GHRL: variants seen among roughly 807,000 people sequenced by gnomAD.
The protein encoded by GHRL is appetite-regulating hormone.
GHRL carries 24 observed loss-of-function variants against 16.9 expected under a neutral mutation model. The observed-to-expected ratio is 1.42, with a 90% CI of 1.03 to 2.00. The LOEUF (loss-of-function observed/expected upper bound fraction) is 2.00, where lower values mean the gene tolerates loss of function less well. Among genes scored for constraint, GHRL ranks in the 30% most tolerant of loss-of-function variants. The pLI is 0.00. For missense variants in GHRL, 193 were observed against 142.1 expected, an observed-to-expected ratio of 1.36 and a Z score of -1.82; for synonymous variants, 63 against 58.2, an observed-to-expected ratio of 1.08 and a Z score of -0.37.
intron 2 of GHRL, 64 bp from the exon 3 acceptor site, chr3:10,290,273 G>A (rs1294076595): frequency 6.7e-7 from 1 of 1,493,936 alleles, no homozygotes; most frequent in Non-Finnish European, 9.1e-7. Flanking sequence ...GCTTGCTCAG[G>A]TAGGAGCCCA....
chr3:10,290,760 T>C lies in GHRL; in HGVS notation c.-74A>G, dbSNP rs992201138. On this transcript the variant is annotated 5_prime_UTR_variant, in exon 2 of 6. It adds an upstream start codon to the 5' untranslated region. Transcript: ENST00000335542. ...TGGTGCCTGGTGGCTGTCAGGTCCT[T>C]ATATAGGATGACTGGCGTTTGTTCT... 7 of 993,912 alleles carry C rather than the reference T, an allele frequency of 7.0e-6. No individual in the cohort carries two copies. In the East Asian group the frequency reaches 5.2e-4, roughly 74 times the overall value. The allele number at this position is 993,912 out of a possible 1,614,324, so 61.6% of individuals were successfully genotyped here. A position where few individuals can be genotyped will look rare whatever the true frequency, so the allele number is the denominator to read the frequency against.
intron 3 of GHRL, 26 bp downstream of exon 3, chr3:10,290,045 CAT>C (rs1699731698): frequency 1.9e-6 from 3 of 1,609,674 alleles, no homozygotes; most frequent in Admixed American, 1.7e-5. Flanking sequence ...GCTGGAACAA[CAT>C]GTGGGGCTTT....
At chr3:10,292,296 G>A (rs1360640855) in intron 1 of GHRL, 2 of 153,188 alleles carry the variant, frequency 1.3e-5, no homozygotes, top group Non-Finnish European at 2.9e-5. Context: ...TATGCCATCT[G>A]GCTCCATAAT....
rs918720417 is a variant in GHRL at position 10,291,341 on chromosome 3, C to T, written c.-655G>A. The T allele has an allele frequency of 4.1e-6, 4 of 985,430 alleles. No individual in the cohort carries two copies. Among genetic ancestry groups the T allele is most frequent in the Non-Finnish European group, 4.8e-6 (4 of 830,006 alleles). 61.0% of individuals were successfully genotyped at this position (985,430 alleles called of 1,614,324 possible). A position where few individuals can be genotyped will look rare whatever the true frequency, so the allele number is the denominator to read the frequency against. On this transcript the variant is annotated 5_prime_UTR_variant, in exon 2 of 6. The change abolishes an upstream ATG in the 5' untranslated region. Transcript: ENST00000335542. ...CTTCAGTCATTTCTGCCAGGTGTGA[C>T]ATGACTGCCTGGCCTGGCGTTTTTT...
chr3:10,286,932 C>A (rs997228610), intron 4 of GHRL, 120 bp from the exon 5 acceptor site: 3 of 636,936 alleles, frequency 4.7e-6, no homozygotes, highest in Non-Finnish European at 2.8e-6. Context: ...GGCCTTTGGG[C>A]CCCAGCAGGG....
intron 4 of GHRL, among the ~76,000 whole-genome samples, chr3:10,289,452 CTT>C (rs1269176130): frequency 1.3e-5 from 2 of 152,246 alleles, no homozygotes; most frequent in Non-Finnish European, 2.9e-5. Flanking sequence ...TTCTGGGTGT[CTT>C]TGTCTCTGGG....
chr3:10,287,825 T>C (rs1305488434), intron 4 of GHRL: 1 of 153,462 alleles, frequency 6.5e-6, no homozygotes, highest in Non-Finnish European at 1.5e-5. Context: ...AGAGAAGCTA[T>C]TAACCAATAG....
intron 1 of GHRL, chr3:10,292,520 C>T: frequency 3.0e-6 from 1 of 332,348 alleles, no homozygotes. Context: ...TTTAAGTGGA[C>T]ATGAGGGACA....
chr3:10,290,001 C>A, intron 3 of GHRL, 72 bp downstream of exon 3: 1 of 1,566,618 alleles, frequency 6.4e-7, no homozygotes, highest in Admixed American at 1.7e-5. Flanking sequence ...GGCGCTGCTG[C>A]TCCAGGTCAC....
At position 10,285,885 on chromosome 3, in the gene GHRL, G is replaced by A. The variant is rs369580145; in HGVS notation, c.344C>T (p.Ala115Val). ...AAGGCTTGTGGGCGATCACTTGTCG[G>A]CTGGGGCCTCTGGAAAGCAAGAGGT... ...ILWEEAKEAP[A>V]DK The change falls in exon 6 of 6, where the codon GCC (alanine) becomes GTC (valine). Residue 115 changes from alanine (A) to valine (V), a missense_variant. Transcript: ENST00000335542. 1.9e-6 allele frequency: 3 copies of A among 1,613,094 alleles called. No individual in the cohort carries two copies. The African/African-American group carries it at 4.0e-5, about 22-fold the overall frequency.
At chr3:10,291,655 A>G (rs1180358980) in intron 1 of GHRL, among the ~76,000 whole-genome samples, 2 of 152,212 alleles carry the variant, frequency 1.3e-5, no homozygotes, top group Non-Finnish European at 2.9e-5. Flanking sequence ...GCATAGGCCA[A>G]GGCCACTGCC....
At chr3:10,289,612 G>A in intron 4 of GHRL, 150 bp downstream of exon 4, 2 of 708,032 alleles carry the variant, frequency 2.8e-6, no homozygotes, top group Non-Finnish European at 5.1e-6. Context: ...ACAGAGCCCA[G>A]GGCAGAGCTC....
chr3:10,291,548 T>C (rs563169020), intron 1 of GHRL, 97 bp from the exon 2 acceptor site: 1 of 828,368 alleles, frequency 1.2e-6, no homozygotes, highest in East Asian at 1.2e-4. Flanking sequence ...CCAGAGTCTT[T>C]GAGGGTGAAA....
rs758853750 is a variant in GHRL at position 10,286,723 on chromosome 3, G to A, written c.315C>T (p.Ile105=). The A allele has an allele frequency of 7.5e-6, 12 of 1,601,298 alleles. No homozygotes were observed. Among genetic ancestry groups the A allele is most frequent in the Admixed American group, 5.0e-5 (3 of 59,992 alleles). ...SQALGKFLQD[I]LWEEAKEAPA... The stretch of plus-strand genomic sequence containing the variant: ...ACTCACCTTTGGCCTCTTCCCAGAG[G>A]ATGTCCTGAAGAAACTTCCCCAGGG... The change falls in exon 5 of 6, where the codon ATC becomes ATT. Residue 105 remains isoleucine (I), a synonymous_variant. Coordinates refer to ENST00000335542, the MANE Select transcript of GHRL (RefSeq NM_016362.5).
At chr3:10,288,508 A>C (rs1186879182) in intron 4 of GHRL, among the ~76,000 whole-genome samples, 1 of 152,316 alleles carries the variant, frequency 6.6e-6, no homozygotes, top group East Asian at 1.9e-4. Flanking sequence ...GGTACTGGGC[A>C]GCTCCTCTGG....
intron 4 of GHRL, chr3:10,287,453 A>G (rs997658715): frequency 6.5e-6 from 1 of 153,532 alleles, no homozygotes; most frequent in African/African-American, 2.4e-5. Flanking sequence ...GGTATTCCTG[A>G]GATGATTTAT....
chr3:10,292,676 G>A (rs1226924972), intron 1 of GHRL, 166 bp downstream of exon 1: 5 of 579,828 alleles, frequency 8.6e-6, no homozygotes, highest in Non-Finnish European at 1.5e-5. Flanking sequence ...TTTGGCCCTG[G>A]AGCCCAGAGA....
chr3:10,286,310 C>G (rs73811875), intron 5 of GHRL, among the ~76,000 whole-genome samples: 1 of 152,160 alleles, frequency 6.6e-6, no homozygotes, highest in African/African-American at 2.4e-5. Context: ...TAACAGGCTG[C>G]AGAACCTGTT....
chr3:10,291,308 T>C lies in GHRL; in HGVS notation c.-622A>G, dbSNP rs969258173. 252 of 985,398 alleles carry C rather than the reference T, an allele frequency of 2.6e-4. No homozygotes were observed. The highest frequency in any genetic ancestry group is 2.9e-4 in the Non-Finnish European group (242 of 829,984). The allele number at this position is 985,398 out of a possible 1,614,324, so 61.0% of individuals were successfully genotyped here. A position where few individuals can be genotyped will look rare whatever the true frequency, so the allele number is the denominator to read the frequency against. On this transcript the variant is annotated 5_prime_UTR_variant, in exon 2 of 6. Coordinates refer to ENST00000335542, the MANE Select transcript of GHRL (RefSeq NM_016362.5). ...TGGGTGTGGGGATAACTTCAGCCAG[T>C]GGCTATGCTTCAGTCATTTCTGCCA...
Sources: gnomAD v4.1 joint callset for allele counts (sites outside exome capture counted in the v4.1 genomes callset) on GRCh38, gnomAD v4.1.1 for gene constraint, MANE v1.5 for transcripts, NCBI Gene and HGNC (gene_info 2026-07-23, HGNC 2026-07-21) for gene names.